Variants in MSRA observed in about 807,000 individuals in gnomAD.
The protein encoded by MSRA is mitochondrial peptide methionine sulfoxide reductase.
In MSRA, 54 loss-of-function variants were observed where a neutral mutation model predicts 31.3. The ratio of observed to expected loss-of-function variants is 1.73; its 90% confidence interval spans 1.39 to 2.17. MSRA has a LOEUF of 2.17. MSRA is among the 30% of genes most tolerant of loss of function. The pLI, the probability that MSRA is intolerant of heterozygous loss-of-function variation, is 0.00. For missense variants in MSRA, 507 were observed against 300.9 expected (o/e 1.69, Z -5.07); for synonymous variants, 169 against 116.5 (o/e 1.45, Z -2.90).
intron 5 of MSRA, among the ~76,000 whole-genome samples, chr8:10,404,413 C>T (rs1334912347): frequency 1.3e-5 from 2 of 152,264 alleles, no homozygotes; most frequent in South Asian, 2.1e-4. Context: ...CACCCCCCAA[C>T]CCTCCGTGGG....
chr8:10,404,447 C>T (rs1807669934), intron 5 of MSRA, among the ~76,000 whole-genome samples: 2 of 152,242 alleles, frequency 1.3e-5, no homozygotes, highest in Admixed American at 6.5e-5. Context: ...GTGTGGGATC[C>T]ATCACGCCCG....
chr8:10,377,770 G>C (rs1027772383), intron 5 of MSRA, among the ~76,000 whole-genome samples: 2 of 152,206 alleles, frequency 1.3e-5, no homozygotes, highest in African/African-American at 2.4e-5. Context: ...CCTCTGGCAA[G>C]TGACTCTTTC....
At position 10,117,282 on chromosome 8, in the gene MSRA, A is replaced by G. The variant is rs942993822; in HGVS notation, c.142+62624A>G. On this transcript the variant is annotated intron_variant, in intron 1 of 5. Coordinates refer to ENST00000317173, the MANE Select transcript of MSRA (RefSeq NM_012331.5). ...TGGGATGGGGGAGGAGAGAGGTTGG[A>G]GCAGAGCACTGGGCATTTAGGGAAA... 6.6e-5 allele frequency among the ~76,000 whole-genome samples: 10 copies of G among 152,132 alleles called. 1 individual carries two copies. In the South Asian group the frequency reaches 8.3e-4, roughly 13 times the overall value.
At chr8:10,417,754 TTGTGTGTGTG>T (rs113437676) in intron 5 of MSRA, among the ~76,000 whole-genome samples, 11 of 129,932 alleles carry the variant, frequency 8.5e-5, no homozygotes, top group African/African-American at 3.1e-4. Flanking sequence ...AACCTGCATG[TTGTGTGTGTG>T]TGTGTGTGTG....
chr8:10,054,340 T>A lies in MSRA; in HGVS notation c.-177T>A. 1 of 506,592 alleles carries A rather than the reference T, an allele frequency of 2.0e-6. No individual in the cohort carries two copies. Among genetic ancestry groups the A allele is most frequent in the South Asian group, 6.1e-5 (1 of 16,420 alleles). 31.4% of individuals were successfully genotyped at this position (506,592 alleles called of 1,614,324 possible). On this transcript the variant is annotated 5_prime_UTR_variant, in exon 1 of 6. The change creates a new upstream start codon in the 5' untranslated region. Transcript: ENST00000317173. ...GGTGACAGCCGGTACGGCCCCGGGT[T>A]TGGGCAACCTCGATTACGGGCGGCC...
intron 3 of MSRA, among the ~76,000 whole-genome samples, chr8:10,257,830 A>G (rs781544139): frequency 1.3e-5 from 2 of 152,084 alleles, no homozygotes; most frequent in Non-Finnish European, 2.9e-5. Flanking sequence ...ATGTAATTCT[A>G]TTTTTCTGAC....
At chr8:10,252,934 C>G (rs754463549) in intron 3 of MSRA, among the ~76,000 whole-genome samples, 1 of 152,176 alleles carries the variant, frequency 6.6e-6, no homozygotes. Context: ...ATCATGTGGT[C>G]TCTCATACTC....
At chr8:10,388,940 C>T (rs1234661439) in intron 5 of MSRA, among the ~76,000 whole-genome samples, 1 of 152,036 alleles carries the variant, frequency 6.6e-6, no homozygotes, top group East Asian at 1.9e-4. Flanking sequence ...CTGGAAAGAG[C>T]TTGTCTCCAG....
chr8:10,081,511 T>C (rs1798291354), intron 1 of MSRA, among the ~76,000 whole-genome samples: 1 of 152,138 alleles, frequency 6.6e-6, no homozygotes, highest in African/African-American at 2.4e-5. Flanking sequence ...ATTTTTTGAG[T>C]TGGAGTCTTA....
chr8:10,398,413 A>G lies in MSRA; in HGVS notation c.544-29735A>G, dbSNP rs137886081. 2.9e-3 allele frequency among the ~76,000 whole-genome samples: 448 copies of G among 152,348 alleles called. 3 individuals carry two copies. Among genetic ancestry groups the G allele is most frequent in the South Asian group, 0.014 (67 of 4,828 alleles). ...GCCGAGAGAGACCTTCTCTGAGGCCAGCAGCAAAGTTGTTCTGCAGCCTTC... is the reference window on the plus strand; with the variant it reads ...GCCGAGAGAGACCTTCTCTGAGGCCGGCAGCAAAGTTGTTCTGCAGCCTTC... On this transcript the variant is annotated intron_variant, in intron 5 of 5. Coordinates refer to ENST00000317173, the MANE Select transcript of MSRA (RefSeq NM_012331.5).
intron 5 of MSRA, among the ~76,000 whole-genome samples, chr8:10,426,215 C>A (rs1202957314): frequency 1.4e-4 from 22 of 152,174 alleles, no homozygotes; most frequent in Non-Finnish European, 1.5e-5. Context: ...GGTTCTGTTC[C>A]CTGAAAACAG....
chr8:10,206,784 C>T (rs1274906450), intron 1 of MSRA, among the ~76,000 whole-genome samples: 1 of 152,232 alleles, frequency 6.6e-6, no homozygotes, highest in Non-Finnish European at 1.5e-5. Context: ...AACCCTCCGT[C>T]CACATGGCAG....
At chr8:10,384,559 C>A (rs532548322) in intron 5 of MSRA, among the ~76,000 whole-genome samples, 140 of 152,308 alleles carry the variant, frequency 9.2e-4, no homozygotes, top group African/African-American at 3.2e-3. Context: ...AACTCTTTCA[C>A]CCACATTCTG....
chr8:10,337,475 G>A (rs900820175), intron 5 of MSRA: 5 of 501,736 alleles, frequency 1.0e-5, no homozygotes, highest in South Asian at 2.5e-5. Context: ...CACCACGCCC[G>A]GCCAAGCCTA....
chr8:10,096,266 C>T, intron 1 of MSRA: 1 of 1,169,618 alleles, frequency 8.5e-7, no homozygotes, highest in Non-Finnish European at 1.1e-6. Flanking sequence ...ACACTGAAGA[C>T]CAGAAAGGCA....
intron 3 of MSRA, among the ~76,000 whole-genome samples, chr8:10,274,532 G>A (rs555757797): frequency 1.3e-5 from 2 of 152,272 alleles, no homozygotes; most frequent in South Asian, 2.1e-4. Context: ...GATTCCCAAG[G>A]TCCATTCCAA....
chr8:10,425,765 C>G (rs1262945208), intron 5 of MSRA, among the ~76,000 whole-genome samples: 1 of 152,224 alleles, frequency 6.6e-6, no homozygotes, highest in Non-Finnish European at 1.5e-5. Context: ...AGAGCACACC[C>G]GGGCTCTGGG....
chr8:10,296,371 G>A (rs990170144), intron 3 of MSRA, among the ~76,000 whole-genome samples: 4 of 152,164 alleles, frequency 2.6e-5, no homozygotes, highest in Non-Finnish European at 5.9e-5. Flanking sequence ...TAGAAACCTC[G>A]TGTTTGTGTA....
intron 1 of MSRA, chr8:10,095,995 C>A: frequency 7.0e-7 from 1 of 1,435,370 alleles, no homozygotes; most frequent in Non-Finnish European, 9.2e-7. Flanking sequence ...CAATACAAAC[C>A]TGCTTTCAAA....
Sources: allele counts gnomAD v4.1 joint callset (sites outside exome capture counted in the v4.1 genomes callset), GRCh38; gene constraint gnomAD v4.1.1; transcripts MANE v1.5; gene names NCBI Gene and HGNC (gene_info 2026-07-23, HGNC 2026-07-21).